NAV3: variants seen among roughly 807,000 people sequenced by gnomAD.
NAV3 encodes the protein neuron navigator 3, also known as pore membrane and/or filament interacting like protein 1.
A neutral mutation model predicts 244.7 loss-of-function variants in NAV3; 87 were observed. The observed-to-expected ratio is 0.36, with a 90% CI of 0.30 to 0.42. NAV3 has a LOEUF of 0.42. NAV3 is among the 20% of genes least tolerant of loss of function. The pLI, the probability that NAV3 is intolerant of heterozygous loss-of-function variation, is 1.00. For synonymous variants in NAV3, 1,126 were observed against 1,042.2 expected (o/e 1.08, Z -1.55); for missense variants, 2,663 against 2,893.3 (o/e 0.92, Z 1.83).
rs146240738 is a variant in NAV3 at position 77,984,191 on chromosome 12, T to C, written c.672-10612T>C. ...ATAATGAATAATATCCATAAAATTT[T>C]GAAGGAGAATAAGACCTAATTGTAT... On this transcript the variant is annotated intron_variant, in intron 5 of 39. Transcript: ENST00000397909. Among the ~76,000 whole-genome samples the C allele has an allele frequency of 2.0e-5, 3 of 152,276 alleles. No homozygotes were observed. The East Asian group carries it at 5.8e-4, about 29-fold the overall frequency.
At chr12:77,592,294 C>T (rs533806947) in intron 2 of NAV3, among the ~76,000 whole-genome samples, 5 of 152,224 alleles carry the variant, frequency 3.3e-5, no homozygotes, top group African/African-American at 1.2e-4. Flanking sequence ...GGACTAGGTA[C>T]GTATGTTCCT....
intron 2 of NAV3, among the ~76,000 whole-genome samples, chr12:77,659,807 G>A (rs1355736660): frequency 2.6e-5 from 4 of 152,154 alleles, no homozygotes; most frequent in Non-Finnish European, 1.5e-5. Context: ...CATGTCCTTT[G>A]TAGGGACATG....
At chr12:78,070,742 C>G (rs2137616220) in intron 12 of NAV3, among the ~76,000 whole-genome samples, 1 of 142,940 alleles carries the variant, frequency 7.0e-6, no homozygotes, top group African/African-American at 2.6e-5. Context: ...GTGATATTCC[C>G]CTTCCTGTGT....
chr12:77,591,967 C>A (rs2136722167), intron 2 of NAV3, among the ~76,000 whole-genome samples: 1 of 152,258 alleles, frequency 6.6e-6, no homozygotes, highest in Middle Eastern at 3.4e-3. Flanking sequence ...TGAAGCAAGG[C>A]ATGTTAAATA....
chr12:78,177,076 C>T (rs1443064486), intron 26 of NAV3, 65 bp from the exon 27 acceptor site: 25 of 1,579,404 alleles, frequency 1.6e-5, no homozygotes, highest in Admixed American at 8.6e-5. Context: ...TGCAAACTAA[C>T]GCCCCAAAGC....
At chr12:77,680,337 T>C (rs1367346123) in intron 2 of NAV3, among the ~76,000 whole-genome samples, 1 of 152,116 alleles carries the variant, frequency 6.6e-6, no homozygotes, top group Non-Finnish European at 1.5e-5. Flanking sequence ...TCTATTAGGG[T>C]AATGCTGTTT....
At chr12:77,671,753 A>G (rs542383571) in intron 2 of NAV3, among the ~76,000 whole-genome samples, 4 of 152,166 alleles carry the variant, frequency 2.6e-5, no homozygotes, top group Non-Finnish European at 5.9e-5. Flanking sequence ...TTATACAAAA[A>G]TTGACTCAAG....
chr12:77,930,056 C>T (rs2137300011), intron 1 of NAV3, among the ~76,000 whole-genome samples: 1 of 152,200 alleles, frequency 6.6e-6, no homozygotes, highest in Admixed American at 6.5e-5. Context: ...CTATCCCTAG[C>T]TCCTCTCCAA....
At position 77,903,864 on chromosome 12, in the gene NAV3, C is replaced by T. The variant is rs188895737; in HGVS notation, c.244-36455C>T. ...TGAACAGGCACTTCTCAAAAGAAGA[C>T]ATTTATGCAGCCAAAAGACACATGA... On this transcript the variant is annotated intron_variant, in intron 1 of 39. Coordinates refer to ENST00000397909, the MANE Select transcript of NAV3 (RefSeq NM_001024383.2). Among the ~76,000 whole-genome samples, 3 of 152,168 alleles carry T rather than the reference C, an allele frequency of 2.0e-5. No homozygotes were observed. In the East Asian group the frequency reaches 5.8e-4, roughly 29 times the overall value.
intron 3 of NAV3, among the ~76,000 whole-genome samples, chr12:77,963,581 T>G (rs1037064196): frequency 1.3e-5 from 2 of 152,278 alleles, no homozygotes; most frequent in Admixed American, 1.3e-4. Context: ...CAATAAATGT[T>G]GAATAAATAA....
chr12:77,802,558 T>C (rs1313244906), intron 2 of NAV3, among the ~76,000 whole-genome samples: 1 of 152,220 alleles, frequency 6.6e-6, no homozygotes, highest in Non-Finnish European at 1.5e-5. Context: ...GAGATTCGAG[T>C]AATTATTCTC....
At chr12:77,718,185 T>C (rs550112441) in intron 2 of NAV3, among the ~76,000 whole-genome samples, 1 of 152,348 alleles carries the variant, frequency 6.6e-6, no homozygotes, top group South Asian at 2.1e-4. Context: ...CTCCATTTTC[T>C]TTGAGAGGTT....
chr12:77,999,854 A>G (rs906789088), intron 7 of NAV3, among the ~76,000 whole-genome samples: 4 of 152,156 alleles, frequency 2.6e-5, no homozygotes, highest in African/African-American at 7.2e-5. Flanking sequence ...GTTCAGGCTA[A>G]TACTTCCTGT....
At chr12:77,594,107 CA>C (rs1405124040) in intron 2 of NAV3, among the ~76,000 whole-genome samples, 3 of 151,950 alleles carry the variant, frequency 2.0e-5, no homozygotes, top group Non-Finnish European at 2.9e-5. Context: ...GTAACAACAA[CA>C]AAAAACCCTA....
intron 2 of NAV3, among the ~76,000 whole-genome samples, chr12:77,579,627 C>T (rs1869256061): frequency 6.6e-6 from 1 of 152,168 alleles, no homozygotes; most frequent in African/African-American, 2.4e-5. Context: ...GTAATAATGG[C>T]AATTAAATTT....
rs546733193 is a variant in NAV3 at position 77,880,064 on chromosome 12, G to A, written c.243+48360G>A. Among the ~76,000 whole-genome samples the A allele has an allele frequency of 7.2e-5, 11 of 152,202 alleles. No homozygotes were observed. The South Asian group carries it at 2.3e-3, about 32-fold the overall frequency. ...ACCTGGCTTCAGTGTTTAATAATTG[G>A]CAGTAGTGATGATTAATGAGTTTAC... On this transcript the variant is annotated intron_variant, in intron 1 of 39. Coordinates refer to ENST00000397909, the MANE Select transcript of NAV3 (RefSeq NM_001024383.2).
intron 1 of NAV3, among the ~76,000 whole-genome samples, chr12:77,933,661 A>G (rs1889045503): frequency 6.6e-6 from 1 of 152,200 alleles, no homozygotes; most frequent in Non-Finnish European, 1.5e-5. Context: ...ATATTGTGAC[A>G]ATATGATGTT....
chr12:77,711,032 A>C (rs758332083), intron 2 of NAV3, among the ~76,000 whole-genome samples: 4 of 152,218 alleles, frequency 2.6e-5, no homozygotes, highest in Admixed American at 1.3e-4. Flanking sequence ...AACACTCTTT[A>C]AGTATTATGT....
chr12:77,844,808 G>A (rs1876335487), intron 1 of NAV3, among the ~76,000 whole-genome samples: 1 of 152,136 alleles, frequency 6.6e-6, no homozygotes, highest in Admixed American at 6.5e-5. Context: ...AGCAGCAGTA[G>A]TTAATATGAA....
Sources: allele counts gnomAD v4.1 joint callset (sites outside exome capture counted in the v4.1 genomes callset), GRCh38; gene constraint gnomAD v4.1.1; transcripts MANE v1.5; gene names NCBI Gene and HGNC (gene_info 2026-07-23, HGNC 2026-07-21).